VPS13C: variants seen among roughly 807,000 people sequenced by gnomAD.
VPS13C encodes the protein intermembrane lipid transfer protein VPS13C.
VPS13C carries 358 observed loss-of-function variants against 456.8 expected under a neutral mutation model. That is an observed-to-expected ratio of 0.78 (90% CI 0.72 to 0.86). The LOEUF is 0.86. Ranked by LOEUF, VPS13C falls within the 40% of genes least tolerant of loss-of-function variation. The probability of loss-of-function intolerance (pLI) is 0.00; values close to 1 mark genes in which losing one functional copy is unlikely to be tolerated. For missense variants in VPS13C, 4,818 were observed against 4,385.4 expected (o/e 1.10, Z -2.79); for synonymous variants, 1,578 against 1,486.7 (o/e 1.06, Z -1.41).
At chr15:62,043,093 T>C (rs1217871889) in intron 2 of VPS13C, among the ~76,000 whole-genome samples, 1 of 151,948 alleles carries the variant, frequency 6.6e-6, no homozygotes, top group Non-Finnish European at 1.5e-5. Context: ...TCTTTTCCAA[T>C]CTATAACAAC....
chr15:62,047,122 T>C (rs77143612), intron 1 of VPS13C, among the ~76,000 whole-genome samples: 1,771 of 151,796 alleles, frequency 0.012, 38 homozygotes, highest in African/African-American at 0.041. Context: ...CCCAGACACG[T>C]AAGAATAACA....
rs1038656282 is a variant in VPS13C, at chr15:61,852,571, T to C, written c.*1886A>G. On this transcript the variant is annotated 3_prime_UTR_variant, in exon 85 of 85. Transcript: ENST00000644861. ...AGTATGATATAATTTCTTAAATATA[T>C]GGGACATTGTCAACAGCTGTGATTC... 12 of 152,336 alleles carry C rather than the reference T, an allele frequency of 7.9e-5. No homozygotes were observed. Among genetic ancestry groups the C allele is most frequent in the South Asian group, 4.1e-4 (2 of 4,824 alleles). The allele number at this position is 152,336 out of a possible 1,614,324, so 9.4% of individuals were successfully genotyped here.
In VPS13C at chr15:61,915,642, A is replaced by G. The variant is rs1325182352; in HGVS notation, c.8436T>C (p.Thr2812=). ...LFSFKKKNIF[T]KNKVQLKIST... ...GTGAACAAAACCACACCTTATTTTT[A>G]GTAAAAATGTTCTTCTTCTTGAAAG... The change falls in exon 61 of 85, where the codon ACT becomes ACC. Residue 2812 remains threonine, a synonymous_variant. Coordinates refer to ENST00000644861, the MANE Select transcript of VPS13C (RefSeq NM_020821.3). 1.3e-6 allele frequency: 2 copies of G among 1,588,436 alleles called. No homozygotes were observed. The highest frequency in any genetic ancestry group is 1.7e-6 in the Non-Finnish European group (2 of 1,171,272).
intron 71 of VPS13C, 34 bp downstream of exon 71, chr15:61,881,529 T>G: frequency 6.5e-7 from 1 of 1,537,896 alleles, no homozygotes; most frequent in South Asian, 1.3e-5. Flanking sequence ...TCATTTTAAA[T>G]TCTTTTAGAG....
At position 61,894,857 on chromosome 15, in the gene VPS13C, T is replaced by C. The variant is rs192407643; in HGVS notation, c.9106-4457A>G. ...AGACAGAAAATCAAGAAAGAAACAC[T>C]GGAGTTAAACTACACTTTAGACCAA... On this transcript the variant is annotated intron_variant, in intron 66 of 84. Transcript: ENST00000644861. Among the ~76,000 whole-genome samples the C allele has an allele frequency of 1.3e-3, 196 of 152,232 alleles. 1 individual carries two copies. Among genetic ancestry groups the C allele is most frequent in the Non-Finnish European group, 2.5e-3 (171 of 68,006 alleles).
Position 61,946,400 on chromosome 15 carries a change from G to A in VPS13C, c.4887C>T (p.Ala1629=). ...TCTGCTTAGGCTTCACAGAAATAGA[G>A]GCATCCATTCCTATAGGAAACATAA... ...IADIKIHGMD[A]SISVKPKQTD... The change falls in exon 44 of 85, where the codon GCC becomes GCT. Residue 1629 remains alanine, a synonymous_variant. Coordinates refer to ENST00000644861, the MANE Select transcript of VPS13C (RefSeq NM_020821.3). 2 of 1,601,108 alleles carry A rather than the reference G, an allele frequency of 1.2e-6. No homozygotes were observed. Among genetic ancestry groups the A allele is most frequent in the African/African-American group, 1.3e-5 (1 of 74,140 alleles).
At chr15:61,884,869 C>T (rs1264720963) in intron 67 of VPS13C, among the ~76,000 whole-genome samples, 2 of 152,020 alleles carry the variant, frequency 1.3e-5, no homozygotes, top group Non-Finnish European at 2.9e-5. Flanking sequence ...TTTACTTGAG[C>T]ATATATATCA....
intron 62 of VPS13C, among the ~76,000 whole-genome samples, chr15:61,912,404 T>C (rs532291017): frequency 1.3e-5 from 2 of 152,324 alleles, no homozygotes; most frequent in East Asian, 3.9e-4. Flanking sequence ...CAAATTTTCA[T>C]ACTAGTCAAA....
At position 61,941,756 on chromosome 15, in the gene VPS13C, T is replaced by G; in HGVS notation, c.5453+7A>C. On this transcript the variant is annotated splice_region_variant and intron_variant, in intron 46 of 84. Transcript: ENST00000644861. ...AAGCAATACACAATTAGATTACATA[T>G]TTATACCTTGACAGCTTCAACTGAG... The G allele has an allele frequency of 6.2e-7, 1 of 1,602,742 alleles. No homozygotes were observed. Among genetic ancestry groups the G allele is most frequent in the Non-Finnish European group, 8.5e-7 (1 of 1,174,208 alleles).
In VPS13C at chr15:61,910,172, C is replaced by A; in HGVS notation, c.8844+5G>T. On this transcript the variant is annotated splice_donor_5th_base_variant and intron_variant, in intron 64 of 84. Coordinates refer to ENST00000644861, the MANE Select transcript of VPS13C (RefSeq NM_020821.3). The stretch of plus-strand genomic sequence containing the variant: ...ATAAAAATAAAATAAAATATGAAAA[C>A]TTACCAGATCTTCTAAGCTCAATAA... 1.5e-6 allele frequency: 2 copies of A among 1,334,516 alleles called. No homozygotes were observed. Among genetic ancestry groups the A allele is most frequent in the Non-Finnish European group, 9.6e-7 (1 of 1,036,430 alleles). The allele number at this position is 1,334,516 out of a possible 1,614,324, so 82.7% of individuals were successfully genotyped here.
At chr15:61,974,466 C>G (rs73414611) in intron 24 of VPS13C, 49 bp from the exon 25 acceptor site, 11 of 1,586,070 alleles carry the variant, frequency 6.9e-6, no homozygotes, top group African/African-American at 1.4e-5. Context: ...ACATTACAAA[C>G]GAGGGAAAGA....
chr15:62,023,510 T>C lies in VPS13C; in HGVS notation c.525A>G (p.Lys175=). 6.4e-7 allele frequency: 1 copy of C among 1,570,776 alleles called. No homozygotes were observed. The highest frequency in any genetic ancestry group is 8.6e-7 in the Non-Finnish European group (1 of 1,164,310). ...KGLDRSKDKP[K]EAKKDTFVEK... ...CCACAAATGTATCCTTTTTGGCTTC[T>C]TTTGGCTTATCTATTAAAAAATAGA... Residue 175 remains lysine (K), a synonymous_variant, in exon 8 of 85, where the codon AAA becomes AAG. Coordinates refer to ENST00000644861, the MANE Select transcript of VPS13C (RefSeq NM_020821.3).
At chr15:62,031,713 A>G (rs1401169225) in intron 5 of VPS13C, among the ~76,000 whole-genome samples, 1 of 151,968 alleles carries the variant, frequency 6.6e-6, no homozygotes, top group Non-Finnish European at 1.5e-5. Flanking sequence ...TACCATATAC[A>G]GCATAGGCCT....
Position 61,943,017 on chromosome 15 carries a change from G to A in VPS13C, c.5149-950C>T, listed in dbSNP as rs148683054. ...AAATGAAGAACACAATCCTGTTTACGATAGCCATCAAAAAAACAAAGTACC... is the reference window on the plus strand; with the variant it reads ...AAATGAAGAACACAATCCTGTTTACAATAGCCATCAAAAAAACAAAGTACC... On this transcript the variant is annotated intron_variant, in intron 45 of 84. Transcript: ENST00000644861. 1.8e-4 allele frequency among the ~76,000 whole-genome samples: 28 copies of A among 151,940 alleles called. No homozygotes were observed. In the East Asian group the frequency reaches 4.4e-3, roughly 24 times the overall value.
chr15:61,945,516 T>C (rs1028494492), intron 45 of VPS13C, among the ~76,000 whole-genome samples, 199 bp downstream of exon 45: 8 of 152,220 alleles, frequency 5.3e-5, no homozygotes, highest in African/African-American at 1.9e-4. Flanking sequence ...AATTACAGTC[T>C]ATATCTTCAA....
chr15:61,878,608 T>C lies in VPS13C; in HGVS notation c.10141A>G (p.Lys3381Glu). 6.2e-7 allele frequency: 1 copy of C among 1,606,728 alleles called. No individual in the cohort carries two copies. Among genetic ancestry groups the C allele is most frequent in the Non-Finnish European group, 8.5e-7 (1 of 1,177,378 alleles). Residue 3381 changes from lysine (K) to glutamate (E), a missense_variant and splice_region_variant, in exon 74 of 85, where the codon AAA (lysine) becomes GAA (glutamate). This residue lies in a region of VPS13C where 4,552 missense variants were observed against 4,130.6 expected (regional missense o/e 1.10). Coordinates refer to ENST00000644861, the MANE Select transcript of VPS13C (RefSeq NM_020821.3). ...TLTDVDDLIF[K>E]LAYYEIRYQF... is the part of the protein sequence containing the mutation. ...AATGTACTCTAACAGAAGTCTTACT[T>C]GAATATAAGGTCATCCACATCAGTC...
At chr15:61,930,336 T>G (rs2044013706) in intron 50 of VPS13C, among the ~76,000 whole-genome samples, 1 of 152,142 alleles carries the variant, frequency 6.6e-6, no homozygotes, top group South Asian at 2.1e-4. Context: ...CCGGGAGAGC[T>G]GTGGACAGCT....
chr15:62,014,001 A>G lies in VPS13C; in HGVS notation c.685-9T>C, dbSNP rs751141277. Reference sequence around the variant, plus strand: ...CAGTGTTCATTTGCAGTCTAAAAGAAAAAAGGGAATACCTGTGAAACGTGG... The same window carrying G: ...CAGTGTTCATTTGCAGTCTAAAAGAGAAAAGGGAATACCTGTGAAACGTGG... On this transcript the variant is annotated splice_polypyrimidine_tract_variant and intron_variant, in intron 9 of 84. Coordinates refer to ENST00000644861, the MANE Select transcript of VPS13C (RefSeq NM_020821.3). The G allele has an allele frequency of 5.8e-5, 93 of 1,606,790 alleles. No homozygotes were observed. Among genetic ancestry groups the G allele is most frequent in the Non-Finnish European group, 7.7e-5 (91 of 1,175,752 alleles).
Position 61,927,249 on chromosome 15 carries a change from G to A in VPS13C, c.6358C>T (p.Leu2120=). The A allele has an allele frequency of 6.2e-7, 1 of 1,614,220 alleles. No individual in the cohort carries two copies. Among genetic ancestry groups the A allele is most frequent in the South Asian group, 1.1e-5 (1 of 91,088 alleles). The change falls in exon 52 of 85, where the codon CTG becomes TTG. Residue 2120 remains leucine (L), a synonymous_variant. Coordinates refer to ENST00000644861, the MANE Select transcript of VPS13C (RefSeq NM_020821.3). ...AGAGCAGGAGCATCAGCCTTTGTCAGGCTGGCAACAAATACCACTTCTGGA... is the reference window on the plus strand; with the variant it reads ...AGAGCAGGAGCATCAGCCTTTGTCAAGCTGGCAACAAATACCACTTCTGGA... The part of the protein sequence containing the change: ...TDPEVVFVAS[L]TKADAPALTA...
Sources: allele counts gnomAD v4.1 joint callset (sites outside exome capture counted in the v4.1 genomes callset), GRCh38; gene constraint gnomAD v4.1.1; regional missense constraint gnomAD v4.1.1; transcripts MANE v1.5; gene names NCBI Gene and HGNC (gene_info 2026-07-23, HGNC 2026-07-21).